The following NR3C1 variants were observed in gnomAD, a reference collection of about 807,000 sequenced individuals.
The protein encoded by NR3C1 is glucocorticoid receptor.
Under a neutral mutation model 74.0 loss-of-function variants are expected in NR3C1, and 14 were observed. That is an observed-to-expected ratio of 0.19 (90% CI 0.12 to 0.30). The LOEUF is 0.30. Among genes scored for constraint, NR3C1 ranks in the 10% least tolerant of loss-of-function variants. The pLI is 1.00. For missense variants in NR3C1, 695 were observed against 909.8 expected, an observed-to-expected ratio of 0.76 and a Z score of 3.04; for synonymous variants, 308 against 332.5, an observed-to-expected ratio of 0.93 and a Z score of 0.80.
intron 2 of NR3C1, among the ~76,000 whole-genome samples, chr5:143,365,010 G>C (rs1832942338): frequency 6.6e-6 from 1 of 151,946 alleles, no homozygotes; most frequent in Non-Finnish European, 1.5e-5. Flanking sequence ...CCCAACCTAG[G>C]CTGTTAAAAT....
chr5:143,342,545 G>C (rs1278887780), intron 2 of NR3C1, among the ~76,000 whole-genome samples: 3 of 152,196 alleles, frequency 2.0e-5, no homozygotes, highest in African/African-American at 7.2e-5. Context: ...CAATTTAAGA[G>C]AAGTTGGAAA....
In NR3C1 at chr5:143,297,673, ATG is replaced by A. The variant is rs3836768; in HGVS notation, c.1892+993_1892+994del. ...TTTTTATTCTTCTTAGACCAGGGGT[ATG>A]TGTGTGTGAACTCCCTGTTTACATT... On this transcript the variant is annotated intron_variant, in intron 6 of 8. Transcript: ENST00000394464. Among the ~76,000 whole-genome samples the A allele has an allele frequency of 7.9e-5, 12 of 152,288 alleles. No individual in the cohort carries two copies. The East Asian group carries it at 2.3e-3, about 29-fold the overall frequency.
chr5:143,316,355 C>G (rs1353651363), intron 2 of NR3C1, among the ~76,000 whole-genome samples: 1 of 152,204 alleles, frequency 6.6e-6, no homozygotes, highest in Non-Finnish European at 1.5e-5. Context: ...TATTAGTTTA[C>G]AGAAAACGAG....
intron 1 of NR3C1, among the ~76,000 whole-genome samples, chr5:143,427,621 T>A (rs1751600873): frequency 6.6e-6 from 1 of 152,210 alleles, no homozygotes; most frequent in Non-Finnish European, 1.5e-5. Flanking sequence ...TTCTGCAAGA[T>A]GGCTGCATCA....
At chr5:143,283,918 G>A (rs1358729580) in intron 7 of NR3C1, among the ~76,000 whole-genome samples, 1 of 152,116 alleles carries the variant, frequency 6.6e-6, no homozygotes, top group Non-Finnish European at 1.5e-5. Context: ...TACATATTAG[G>A]CAGACTTCTG....
chr5:143,389,056 C>G (rs1395256827), intron 2 of NR3C1, among the ~76,000 whole-genome samples: 1 of 152,130 alleles, frequency 6.6e-6, no homozygotes, highest in Admixed American at 6.6e-5. Context: ...TGAATCAAAT[C>G]TTGTTTCCCA....
intron 2 of NR3C1, among the ~76,000 whole-genome samples, chr5:143,316,343 T>C (rs1379728326): frequency 2.0e-5 from 3 of 152,220 alleles, no homozygotes; most frequent in Non-Finnish European, 4.4e-5. Context: ...CAGTTGTTTG[T>C]ATATTAGTTT....
intron 6 of NR3C1, among the ~76,000 whole-genome samples, chr5:143,297,012 G>C (rs950823911): frequency 6.7e-6 from 1 of 150,302 alleles, no homozygotes; most frequent in Non-Finnish European, 1.5e-5. Context: ...TGGAGGCAGA[G>C]GTTGCCATGA....
Position 143,403,647 on chromosome 5 carries a change from G to A in NR3C1, c.-450C>T, listed in dbSNP as rs960772250. 6.6e-5 allele frequency: 65 copies of A among 985,388 alleles called. No homozygotes were observed. Among genetic ancestry groups the A allele is most frequent in the Non-Finnish European group, 7.6e-5 (63 of 829,942 alleles). The allele number at this position is 985,388 out of a possible 1,614,324, so 61.0% of individuals were successfully genotyped here. On this transcript the variant is annotated 5_prime_UTR_variant, in exon 1 of 9. Coordinates refer to ENST00000394464, the MANE Select transcript of NR3C1 (RefSeq NM_000176.3). ...CACGCGAAAGGGCAGCCCGGCCTGG[G>A]CGAGCGAGCGGGACCGAGCGGGGAG...
chr5:143,415,219 G>A (rs1392124216), intron 1 of NR3C1, among the ~76,000 whole-genome samples: 1 of 151,966 alleles, frequency 6.6e-6, no homozygotes, highest in Admixed American at 6.6e-5. Flanking sequence ...ATATTTTGAT[G>A]GCAACAAATT....
intron 2 of NR3C1, among the ~76,000 whole-genome samples, chr5:143,324,439 T>C (rs559794506): frequency 6.6e-6 from 1 of 152,206 alleles, no homozygotes; most frequent in Non-Finnish European, 1.5e-5. Context: ...CTGGAGCAGC[T>C]GGGACACAGG....
intron 4 of NR3C1, among the ~76,000 whole-genome samples, chr5:143,305,547 T>C (rs537063892): frequency 2.8e-4 from 43 of 152,274 alleles, no homozygotes; most frequent in Non-Finnish European, 4.1e-4. Flanking sequence ...TTATATGCCA[T>C]GGAATACTAT....
intron 2 of NR3C1, among the ~76,000 whole-genome samples, chr5:143,360,831 C>A (rs909443856): frequency 6.6e-6 from 1 of 152,242 alleles, no homozygotes; most frequent in East Asian, 1.9e-4. Context: ...AAGTTAGATA[C>A]ATGTAAATAC....
chr5:143,343,102 T>C (rs143165180), intron 2 of NR3C1, among the ~76,000 whole-genome samples: 1 of 152,298 alleles, frequency 6.6e-6, no homozygotes, highest in Non-Finnish European at 1.5e-5. Flanking sequence ...TAAGGACAAA[T>C]ATAAGATAGC....
chr5:143,367,113 G>C (rs1211273639), intron 2 of NR3C1, among the ~76,000 whole-genome samples: 1 of 152,146 alleles, frequency 6.6e-6, no homozygotes, highest in Admixed American at 6.5e-5. Context: ...TTTGACATAT[G>C]AAAATCAATT....
At chr5:143,399,508 C>T (rs1839839926) in intron 2 of NR3C1, 148 bp downstream of exon 2, 2 of 689,124 alleles carry the variant, frequency 2.9e-6, no homozygotes, top group Admixed American at 2.7e-5. Context: ...GGTTGTCTAC[C>T]TTTCCTACTT....
chr5:143,377,222 G>C (rs1208903891), intron 2 of NR3C1, among the ~76,000 whole-genome samples: 1 of 152,080 alleles, frequency 6.6e-6, no homozygotes, highest in African/African-American at 2.4e-5. Flanking sequence ...GCAGGTTTAG[G>C]AGGGCACTGT....
intron 7 of NR3C1, among the ~76,000 whole-genome samples, chr5:143,289,884 G>A (rs1815455464): frequency 1.3e-5 from 2 of 152,046 alleles, no homozygotes; most frequent in African/African-American, 2.4e-5. Context: ...TAACAATTGC[G>A]GAAAAGTTTG....
intron 2 of NR3C1, among the ~76,000 whole-genome samples, chr5:143,386,977 G>C (rs907229995): frequency 3.9e-5 from 6 of 152,176 alleles, no homozygotes; most frequent in African/African-American, 1.2e-4. Context: ...TTTGATCAGG[G>C]GAATAATACT....
Sources: allele counts gnomAD v4.1 joint callset (sites outside exome capture counted in the v4.1 genomes callset), GRCh38; gene constraint gnomAD v4.1.1; transcripts MANE v1.5; gene names NCBI Gene and HGNC (gene_info 2026-07-23, HGNC 2026-07-21).